The following SGCZ variants were observed in gnomAD, a reference collection of about 807,000 sequenced individuals.
SGCZ encodes the protein sarcoglycan zeta, also known as zeta-sarcoglycan.
SGCZ carries 40 observed loss-of-function variants against 41.3 expected under a neutral mutation model. The ratio of observed to expected loss-of-function variants is 0.97; its 90% CI spans 0.75 to 1.26. The LOEUF is 1.26. SGCZ is among the 50% of genes most tolerant of loss of function. The pLI, the probability that SGCZ is intolerant of heterozygous loss-of-function variation, is 0.00. For synonymous variants in SGCZ, 206 were observed against 137.5 expected, an observed-to-expected ratio of 1.50 and a Z score of -3.49; for missense variants, 552 against 369.8, an observed-to-expected ratio of 1.49 and a Z score of -4.04.
intron 1 of SGCZ, among the ~76,000 whole-genome samples, chr8:14,763,824 T>C (rs73199284): frequency 0.041 from 6,318 of 152,328 alleles, 189 homozygotes; most frequent in Non-Finnish European, 0.072. Context: ...AGATATTTTG[T>C]ATATTATAAG....
In SGCZ at chr8:15,068,941, T is replaced by A. The variant is rs182811525; in HGVS notation, c.39+168644A>T. On this transcript the variant is annotated intron_variant, in intron 1 of 7. Transcript: ENST00000382080. ...TACTACTAATGTTAGCACTTCCATT[T>A]TTCTGTTTTACATTTATTCTTTAAA... Among the ~76,000 whole-genome samples, 436 of 152,330 alleles carry A rather than the reference T, an allele frequency of 2.9e-3. 2 individuals are homozygous for A. Among genetic ancestry groups the A allele is most frequent in the African/African-American group, 8.7e-3 (361 of 41,582 alleles).
rs1029243052 is a variant in SGCZ at position 14,118,883 on chromosome 8, G to A, written c.548-10648C>T. Among the ~76,000 whole-genome samples, 29 of 152,238 alleles carry A rather than the reference G, an allele frequency of 1.9e-4. No individual in the cohort carries two copies. The East Asian group carries it at 5.2e-3, about 27-fold the overall frequency. On this transcript the variant is annotated intron_variant, in intron 5 of 7. Transcript: ENST00000382080. ...GATCAGATGGTTGTGGATGTGTGGTGTTATTTCCGAAGTTTCTGTTCCGTT... is the reference window on the plus strand; with the variant it reads ...GATCAGATGGTTGTGGATGTGTGGTATTATTTCCGAAGTTTCTGTTCCGTT...
intron 1 of SGCZ, among the ~76,000 whole-genome samples, chr8:14,682,529 G>C (rs1361244569): frequency 6.6e-6 from 1 of 151,300 alleles, no homozygotes; most frequent in Non-Finnish European, 1.5e-5. Context: ...CCGCCTCCCG[G>C]GTTCACGCCA....
chr8:14,715,282 G>A (rs147278348), intron 1 of SGCZ, among the ~76,000 whole-genome samples: 71 of 151,956 alleles, frequency 4.7e-4, no homozygotes, highest in Non-Finnish European at 8.8e-4. Flanking sequence ...AATAGAGTAT[G>A]CCAAAAAAAT....
At chr8:14,951,385 T>A (rs1406500939) in intron 1 of SGCZ, among the ~76,000 whole-genome samples, 1 of 152,048 alleles carries the variant, frequency 6.6e-6, no homozygotes, top group Non-Finnish European at 1.5e-5. Flanking sequence ...CTATAGTGCA[T>A]GTCAAATTCG....
chr8:14,531,567 T>C (rs1193664889), intron 2 of SGCZ, among the ~76,000 whole-genome samples: 1 of 152,010 alleles, frequency 6.6e-6, no homozygotes, highest in Non-Finnish European at 1.5e-5. Flanking sequence ...GTCCAGAAGT[T>C]TCCAAAAATG....
At chr8:14,850,880 C>G (rs895201001) in intron 1 of SGCZ, among the ~76,000 whole-genome samples, 7 of 152,142 alleles carry the variant, frequency 4.6e-5, no homozygotes, top group African/African-American at 1.7e-4. Context: ...GCCTTGCTTC[C>G]CCTTCGCCTT....
At chr8:15,188,908 C>T (rs1043109576) in intron 1 of SGCZ, among the ~76,000 whole-genome samples, 1 of 151,970 alleles carries the variant, frequency 6.6e-6, no homozygotes, top group African/African-American at 2.4e-5. Flanking sequence ...AAAGAAGCTA[C>T]AAAATAATAT....
chr8:14,737,045 A>G (rs2243785), intron 1 of SGCZ, among the ~76,000 whole-genome samples: 59,057 of 149,420 alleles, frequency 0.4, 13,497 homozygotes, highest in Non-Finnish European at 0.52. Flanking sequence ...TACCAGACAT[A>G]TAGCTATATA....
intron 1 of SGCZ, among the ~76,000 whole-genome samples, chr8:14,721,481 T>C (rs1196146386): frequency 6.6e-6 from 1 of 152,178 alleles, no homozygotes; most frequent in Non-Finnish European, 1.5e-5. Context: ...TAGGCCAGTA[T>C]TGAAAGCATC....
chr8:14,339,238 A>G (rs544462391), intron 2 of SGCZ, among the ~76,000 whole-genome samples: 1 of 152,328 alleles, frequency 6.6e-6, no homozygotes, highest in South Asian at 2.1e-4. Flanking sequence ...ATTGTGTGTA[A>G]TCGCTCAAGG....
intron 5 of SGCZ, among the ~76,000 whole-genome samples, chr8:14,121,102 C>T (rs1350953478): frequency 6.6e-6 from 1 of 152,012 alleles, no homozygotes; most frequent in East Asian, 1.9e-4. Flanking sequence ...CTAAGAGAGT[C>T]CCCAGAAACA....
chr8:14,787,442 A>G (rs993097694), intron 1 of SGCZ, among the ~76,000 whole-genome samples: 18 of 152,080 alleles, frequency 1.2e-4, no homozygotes, highest in African/African-American at 4.3e-4. Flanking sequence ...AAGAAATATA[A>G]TTAGAAATAG....
chr8:14,227,157 C>T (rs1456014660), intron 4 of SGCZ, among the ~76,000 whole-genome samples: 1 of 152,100 alleles, frequency 6.6e-6, no homozygotes, highest in Non-Finnish European at 1.5e-5. Flanking sequence ...TTTTCTTAGT[C>T]TGCAATGCCT....
intron 1 of SGCZ, among the ~76,000 whole-genome samples, chr8:14,806,353 AAGAG>A (rs1292329899): frequency 6.6e-6 from 1 of 150,604 alleles, no homozygotes; most frequent in Non-Finnish European, 1.5e-5. Flanking sequence ...TAAAGAAAAA[AAGAG>A]AGAAGAATCA....
intron 1 of SGCZ, among the ~76,000 whole-genome samples, chr8:14,893,121 G>A (rs1805075496): frequency 6.6e-6 from 1 of 152,140 alleles, no homozygotes; most frequent in Non-Finnish European, 1.5e-5. Flanking sequence ...GGAGTATCCT[G>A]GCAGGCCCCA....
chr8:14,506,375 C>A (rs1238799776), intron 2 of SGCZ, among the ~76,000 whole-genome samples: 2 of 152,128 alleles, frequency 1.3e-5, no homozygotes, highest in Admixed American at 1.3e-4. Context: ...CACTCAAAGA[C>A]ATAGCTCCAG....
intron 2 of SGCZ, among the ~76,000 whole-genome samples, chr8:14,500,484 G>C (rs1802119230): frequency 6.6e-6 from 1 of 151,566 alleles, no homozygotes; most frequent in Non-Finnish European, 1.5e-5. Context: ...TAATTAGCTA[G>C]GAAGAAAAAC....
At chr8:15,074,871 G>A (rs181849049) in intron 1 of SGCZ, among the ~76,000 whole-genome samples, 8 of 152,088 alleles carry the variant, frequency 5.3e-5, no homozygotes, top group African/African-American at 1.9e-4. Flanking sequence ...TGACTCTACT[G>A]TCTGGGCCAC....
Sources: allele counts gnomAD v4.1 joint callset (sites outside exome capture counted in the v4.1 genomes callset), GRCh38; gene constraint gnomAD v4.1.1; transcripts MANE v1.5; gene names NCBI Gene and HGNC (gene_info 2026-07-23, HGNC 2026-07-21).